Variants in FAT3 observed in about 807,000 individuals in gnomAD.
The protein encoded by FAT3 is FAT atypical cadherin 3.
A neutral mutation model predicts 310.2 loss-of-function variants in FAT3; 95 were observed. That is an observed-to-expected ratio of 0.31 (90% CI 0.26 to 0.36). The LOEUF (loss-of-function observed/expected upper bound fraction) is 0.36. Ranked by LOEUF, FAT3 falls within the 10% of genes least tolerant of loss-of-function variation. FAT3 has a pLI of 1.00. For missense variants in FAT3, 5,408 were observed against 5,715.6 expected, an observed-to-expected ratio of 0.95 and a Z score of 1.74; for synonymous variants, 2,314 against 2,192.9, an observed-to-expected ratio of 1.06 and a Z score of -1.54.
At chr11:92,249,835 T>C (rs1026328804) in intron 1 of FAT3, among the ~76,000 whole-genome samples, 3 of 152,134 alleles carry the variant, frequency 2.0e-5, no homozygotes, top group African/African-American at 7.2e-5. Context: ...CTTGAGAGAC[T>C]TTACAACCAA....
intron 2 of FAT3, among the ~76,000 whole-genome samples, chr11:92,390,837 A>G (rs1949732092): frequency 6.6e-6 from 1 of 152,096 alleles, no homozygotes; most frequent in Non-Finnish European, 1.5e-5. Flanking sequence ...GGGTGAGCAA[A>G]AATGTAGTCC....
intron 22 of FAT3, among the ~76,000 whole-genome samples, chr11:92,877,861 A>T (rs1203954231): frequency 6.6e-6 from 1 of 152,166 alleles, no homozygotes; most frequent in Non-Finnish European, 1.5e-5. Flanking sequence ...ATCTCAATAA[A>T]CTCATCATAA....
At chr11:92,725,583 GT>G (rs751033061) in intron 4 of FAT3, among the ~76,000 whole-genome samples, 38 of 149,398 alleles carry the variant, frequency 2.5e-4, no homozygotes, top group South Asian at 4.3e-4. Context: ...TACTTAGGAA[GT>G]TTTTTTTTTA....
intron 2 of FAT3, among the ~76,000 whole-genome samples, chr11:92,387,644 T>G (rs2134794667): frequency 6.6e-6 from 1 of 152,312 alleles, no homozygotes; most frequent in Middle Eastern, 3.4e-3. Flanking sequence ...TTCTCAAGTT[T>G]CTGGCTTGTT....
intron 1 of FAT3, among the ~76,000 whole-genome samples, chr11:92,342,268 T>C (rs531410299): frequency 1.3e-5 from 2 of 152,158 alleles, no homozygotes; most frequent in Non-Finnish European, 2.9e-5. Flanking sequence ...CTCAATGATG[T>C]ATGGCAGCTC....
intron 2 of FAT3, among the ~76,000 whole-genome samples, chr11:92,398,142 G>C (rs1205110221): frequency 6.6e-6 from 1 of 151,942 alleles, no homozygotes; most frequent in African/African-American, 2.4e-5. Flanking sequence ...TTGGCTTATG[G>C]ATGCATTACT....
At chr11:92,499,502 G>T (rs1035628345) in intron 2 of FAT3, among the ~76,000 whole-genome samples, 8 of 151,990 alleles carry the variant, frequency 5.3e-5, no homozygotes, top group African/African-American at 1.9e-4. Context: ...GATTATTCAA[G>T]AACTACTTTG....
intron 2 of FAT3, among the ~76,000 whole-genome samples, chr11:92,445,972 A>C (rs977970071): frequency 1.3e-5 from 2 of 152,190 alleles, no homozygotes; most frequent in African/African-American, 4.8e-5. Flanking sequence ...AATTATGTTC[A>C]CAATTGAAGT....
At chr11:92,705,569 G>A (rs1406165816) in intron 4 of FAT3, among the ~76,000 whole-genome samples, 6 of 32,022 alleles carry the variant, frequency 1.9e-4, no homozygotes, top group Admixed American at 3.5e-4. Context: ...GATGGTGGTG[G>A]TGGTGGTGAT....
intron 2 of FAT3, among the ~76,000 whole-genome samples, chr11:92,430,973 G>A (rs1362460977): frequency 3.9e-5 from 6 of 152,214 alleles, no homozygotes; most frequent in African/African-American, 7.2e-5. Context: ...ATAAACATAC[G>A]TGTGCATGTG....
At chr11:92,590,817 A>T (rs1052577256) in intron 3 of FAT3, among the ~76,000 whole-genome samples, 2 of 152,116 alleles carry the variant, frequency 1.3e-5, no homozygotes, top group Non-Finnish European at 2.9e-5. Flanking sequence ...TTTTGCCTAC[A>T]TTTTTTACTT....
At chr11:92,724,262 G>A (rs886381250) in intron 4 of FAT3, among the ~76,000 whole-genome samples, 1 of 152,082 alleles carries the variant, frequency 6.6e-6, no homozygotes, top group Non-Finnish European at 1.5e-5. Flanking sequence ...CCTCCATGTG[G>A]CCCCTCATCC....
chr11:92,436,249 C>G (rs1423773432), intron 2 of FAT3, among the ~76,000 whole-genome samples: 1 of 152,124 alleles, frequency 6.6e-6, no homozygotes, highest in African/African-American at 2.4e-5. Flanking sequence ...AATCAGTACT[C>G]CCACGTCAGC....
chr11:92,428,883 TG>T (rs1186365360), intron 2 of FAT3, among the ~76,000 whole-genome samples: 1 of 152,188 alleles, frequency 6.6e-6, no homozygotes, highest in African/African-American at 2.4e-5. Context: ...GTTCTGCAGA[TG>T]TCTATTAGGT....
At chr11:92,762,537 A>C (rs779700573) in intron 5 of FAT3, among the ~76,000 whole-genome samples, 2 of 152,172 alleles carry the variant, frequency 1.3e-5, no homozygotes, top group Non-Finnish European at 2.9e-5. Flanking sequence ...ACCACTGAAC[A>C]TATCTCTCAA....
intron 3 of FAT3, among the ~76,000 whole-genome samples, chr11:92,610,452 T>TA (rs1488794058): frequency 6.6e-6 from 1 of 152,256 alleles, no homozygotes; most frequent in Non-Finnish European, 1.5e-5. Flanking sequence ...CTGTACTCCT[T>TA]AAAAACTGTC....
intron 2 of FAT3, among the ~76,000 whole-genome samples, chr11:92,504,249 G>A (rs1034413494): frequency 6.6e-6 from 1 of 152,140 alleles, no homozygotes; most frequent in Non-Finnish European, 1.5e-5. Flanking sequence ...TCAGTACTCA[G>A]ACCTGGGCAT....
At chr11:92,461,033 A>C (rs749913600) in intron 2 of FAT3, among the ~76,000 whole-genome samples, 10 of 152,232 alleles carry the variant, frequency 6.6e-5, no homozygotes, top group Non-Finnish European at 1.3e-4. Flanking sequence ...CCATGGCTAA[A>C]GGAAAAATCA....
chr11:92,875,754 A>C (rs1949517752), intron 22 of FAT3, among the ~76,000 whole-genome samples: 1 of 152,206 alleles, frequency 6.6e-6, no homozygotes, highest in South Asian at 2.1e-4. Context: ...TCTATGACTT[A>C]GGCACTCAGT....
Sources: allele counts gnomAD v4.1 joint callset (sites outside exome capture counted in the v4.1 genomes callset), GRCh38; gene constraint gnomAD v4.1.1; transcripts MANE v1.5; gene names NCBI Gene and HGNC (gene_info 2026-07-23, HGNC 2026-07-21).